TOX3: variants seen among roughly 807,000 people sequenced by gnomAD.
TOX3 encodes the protein TOX high mobility group box family member 3.
TOX3 carries 22 observed loss-of-function variants against 64.3 expected under a neutral mutation model. That is an observed-to-expected ratio of 0.34 (90% CI 0.24 to 0.49). TOX3 has a LOEUF of 0.49. TOX3 is among the 20% of genes least tolerant of loss of function. The pLI is 0.99. For missense variants in TOX3, 661 were observed against 714.4 expected, an observed-to-expected ratio of 0.93 and a Z score of 0.85; for synonymous variants, 291 against 273.6, an observed-to-expected ratio of 1.06 and a Z score of -0.63.
At chr16:52,455,981 A>T (rs1432968551) in intron 3 of TOX3, among the ~76,000 whole-genome samples, 3 of 152,214 alleles carry the variant, frequency 2.0e-5, no homozygotes, top group Non-Finnish European at 4.4e-5. Context: ...GGCATCCCAG[A>T]CAGAGATGAA....
chr16:52,464,255 A>AAC lies in TOX3; in HGVS notation c.154-68_154-67insGT, dbSNP rs747829682. ...TATATCTTATTCCTCCGGGGAGGGA[A>AAC]AGAGAAAGACATTGCATGAAAACAC... On this transcript the variant is annotated intron_variant, in intron 2 of 6. Coordinates refer to ENST00000219746, the MANE Select transcript of TOX3 (RefSeq NM_001080430.4). 4,024 of 1,372,488 alleles carry AAC rather than the reference A, an allele frequency of 2.9e-3. 5 individuals carry two copies. Among genetic ancestry groups the AAC allele is most frequent in the South Asian group, 4.0e-3 (189 of 46,800 alleles). The allele number at this position is 1,372,488 out of a possible 1,614,324, so 85.0% of individuals were successfully genotyped here.
intron 1 of TOX3, among the ~76,000 whole-genome samples, chr16:52,503,416 A>G (rs1283278278): frequency 6.6e-6 from 1 of 152,238 alleles, no homozygotes; most frequent in Non-Finnish European, 1.5e-5. Context: ...ATAGTTATGG[A>G]TAACCCTGTA....
At chr16:52,541,253 G>A (rs539619468) in intron 1 of TOX3, among the ~76,000 whole-genome samples, 3 of 152,272 alleles carry the variant, frequency 2.0e-5, no homozygotes, top group Non-Finnish European at 2.9e-5. Flanking sequence ...AGCTACTACC[G>A]TACATAGCAT....
intron 1 of TOX3, among the ~76,000 whole-genome samples, chr16:52,472,543 T>C (rs1308110789): frequency 6.6e-6 from 1 of 152,208 alleles, no homozygotes; most frequent in African/African-American, 2.4e-5. Flanking sequence ...TAAGTCACCT[T>C]AACTTGGTCT....
intron 1 of TOX3, among the ~76,000 whole-genome samples, chr16:52,478,944 A>G (rs987382078): frequency 6.6e-6 from 1 of 152,210 alleles, no homozygotes; most frequent in Non-Finnish European, 1.5e-5. Context: ...TGAATGGGTC[A>G]TTGAAACATT....
chr16:52,491,539 A>G (rs1295367178), intron 1 of TOX3, among the ~76,000 whole-genome samples: 2 of 152,182 alleles, frequency 1.3e-5, no homozygotes, highest in African/African-American at 4.8e-5. Flanking sequence ...TTGAGTGCTA[A>G]GTATGTGCTG....
chr16:52,500,228 G>T (rs1247353779), intron 1 of TOX3, among the ~76,000 whole-genome samples: 1 of 152,162 alleles, frequency 6.6e-6, no homozygotes, highest in East Asian at 1.9e-4. Flanking sequence ...CTTCTCATGT[G>T]TTTTAAACAT....
chr16:52,525,990 T>G (rs1314493210), intron 1 of TOX3, among the ~76,000 whole-genome samples: 1 of 152,198 alleles, frequency 6.6e-6, no homozygotes, highest in Non-Finnish European at 1.5e-5. Context: ...CTGCCCATGT[T>G]GCCCAAAGTA....
chr16:52,524,611 C>A (rs1034596045), intron 1 of TOX3, among the ~76,000 whole-genome samples: 1 of 152,192 alleles, frequency 6.6e-6, no homozygotes, highest in Non-Finnish European at 1.5e-5. Flanking sequence ...AAGGGACTCA[C>A]TCTTGTTACA....
chr16:52,495,392 G>A (rs1961818129), intron 1 of TOX3, among the ~76,000 whole-genome samples: 1 of 152,174 alleles, frequency 6.6e-6, no homozygotes, highest in African/African-American at 2.4e-5. Context: ...AGGAAGGTAA[G>A]TACTAAAGCT....
chr16:52,491,559 A>C (rs1298593711), intron 1 of TOX3, among the ~76,000 whole-genome samples: 2 of 152,136 alleles, frequency 1.3e-5, no homozygotes, highest in Non-Finnish European at 2.9e-5. Flanking sequence ...GGTATGTATA[A>C]CCTTGTTTGA....
intron 1 of TOX3, among the ~76,000 whole-genome samples, chr16:52,482,270 C>T (rs1157218077): frequency 6.6e-6 from 1 of 152,156 alleles, no homozygotes; most frequent in Non-Finnish European, 1.5e-5. Flanking sequence ...GCATTTTATT[C>T]TTGGGATCCC....
intron 3 of TOX3, among the ~76,000 whole-genome samples, chr16:52,456,247 C>T (rs980412821): frequency 2.0e-5 from 3 of 152,234 alleles, no homozygotes; most frequent in Non-Finnish European, 2.9e-5. Flanking sequence ...GACCATACCT[C>T]ATGGACAACC....
At chr16:52,445,071 T>G (rs1960123037) in intron 5 of TOX3, 1 of 152,222 alleles carries the variant, frequency 6.6e-6, no homozygotes, top group Non-Finnish European at 1.5e-5. Flanking sequence ...TGCAGCACTT[T>G]TCCAGTCCCT....
At chr16:52,463,817 C>A in intron 3 of TOX3, 117 bp downstream of exon 3, 1 of 1,285,476 alleles carries the variant, frequency 7.8e-7, no homozygotes, top group African/African-American at 1.5e-5. Flanking sequence ...GTAAATAGCA[C>A]TAGAATCAAT....
intron 2 of TOX3, among the ~76,000 whole-genome samples, chr16:52,465,034 A>G (rs1405417615): frequency 9.1e-5 from 1 of 11,012 alleles, no homozygotes. Flanking sequence ...TTTTTTTTTG[A>G]GACAGAGTCT....
intron 1 of TOX3, among the ~76,000 whole-genome samples, chr16:52,521,250 T>C (rs902554837): frequency 8.5e-5 from 13 of 152,258 alleles, no homozygotes; most frequent in African/African-American, 2.7e-4. Flanking sequence ...GCTTTCTATG[T>C]AATTCAATAT....
At chr16:52,536,676 T>TATATAC (rs1555488494) in intron 1 of TOX3, among the ~76,000 whole-genome samples, 14 of 78,370 alleles carry the variant, frequency 1.8e-4, no homozygotes, top group African/African-American at 5.5e-4. Flanking sequence ...TATATATATA[T>TATATAC]ACATGTGTAT....
At chr16:52,546,271 C>A (rs1375657280) in intron 1 of TOX3, among the ~76,000 whole-genome samples, 1 of 152,122 alleles carries the variant, frequency 6.6e-6, no homozygotes, top group Non-Finnish European at 1.5e-5. Context: ...CCCTGCGTAG[C>A]CCCCACTCAG....
Sources: gnomAD v4.1 joint callset for allele counts (sites outside exome capture counted in the v4.1 genomes callset) on GRCh38, gnomAD v4.1.1 for gene constraint, MANE v1.5 for transcripts, NCBI Gene and HGNC (gene_info 2026-07-23, HGNC 2026-07-21) for gene names.